CFAP43: variants seen among roughly 807,000 people sequenced by gnomAD.
CFAP43 encodes cilia and flagella associated protein 43, also known as cilia- and flagella-associated protein 43.
CFAP43 carries 155 observed loss-of-function variants against 218.9 expected under a neutral mutation model. That is an observed-to-expected ratio of 0.71 (90% CI 0.62 to 0.81). The LOEUF (loss-of-function observed/expected upper bound fraction) is 0.81, where lower values mean the gene tolerates loss of function less well. Among genes scored for constraint, CFAP43 ranks in the 30% least tolerant of loss-of-function variants. The pLI, the probability that CFAP43 is intolerant of heterozygous loss-of-function variation, is 0.00. For synonymous variants in CFAP43, 645 were observed against 681.3 expected (o/e 0.95, Z 0.83); for missense variants, 1,778 against 1,954.3 (o/e 0.91, Z 1.70).
intron 10 of CFAP43, among the ~76,000 whole-genome samples, chr10:104,196,264 T>A (rs1429246398): frequency 6.6e-6 from 1 of 152,228 alleles, no homozygotes; most frequent in African/African-American, 2.4e-5. Flanking sequence ...TACTTTATAG[T>A]TGATTGTGCC....
At position 104,155,587 on chromosome 10, in the gene CFAP43, A is replaced by G. The variant is rs144140239; in HGVS notation, c.3541-2861T>C. On this transcript the variant is annotated intron_variant, in intron 27 of 37. Transcript: ENST00000357060. ...TAAAAATGAACTCAGCCAGGAGGTG[A>G]TAAGTACTATGGAGAACCACAAGGC... Among the ~76,000 whole-genome samples, 250 of 152,272 alleles carry G rather than the reference A, an allele frequency of 1.6e-3. 1 individual carries two copies. Among genetic ancestry groups the G allele is most frequent in the Admixed American group, 3.0e-3 (46 of 15,294 alleles).
chr10:104,135,307 T>G (rs2087388742), intron 34 of CFAP43, among the ~76,000 whole-genome samples: 1 of 152,194 alleles, frequency 6.6e-6, no homozygotes, highest in Non-Finnish European at 1.5e-5. Context: ...GCTTTCCAAC[T>G]AAGATCAGGA....
At chr10:104,218,563 A>G (rs2091087714) in intron 3 of CFAP43, among the ~76,000 whole-genome samples, 1 of 151,986 alleles carries the variant, frequency 6.6e-6, no homozygotes, top group Admixed American at 6.6e-5. Flanking sequence ...AACATTTTTT[A>G]AAAGCTTCAC....
intron 3 of CFAP43, among the ~76,000 whole-genome samples, chr10:104,222,249 G>T (rs1477222931): frequency 1.3e-5 from 2 of 152,168 alleles, no homozygotes; most frequent in Non-Finnish European, 2.9e-5. Flanking sequence ...CACCAAGTGA[G>T]TTGCATCCTC....
At chr10:104,142,173 G>C in intron 33 of CFAP43, 108 bp downstream of exon 33, 1 of 815,676 alleles carries the variant, frequency 1.2e-6, no homozygotes, top group East Asian at 2.7e-5. Context: ...TGCTGGAAGG[G>C]AGATGGCTGT....
intron 10 of CFAP43, 121 bp from the exon 11 acceptor site, chr10:104,194,135 G>T: frequency 8.4e-7 from 1 of 1,185,734 alleles, no homozygotes; most frequent in Non-Finnish European, 1.2e-6. Context: ...GTGTTGTGTG[G>T]TGGGGTCTTT....
intron 6 of CFAP43, among the ~76,000 whole-genome samples, chr10:104,206,898 G>GCAA (rs2090707878): frequency 2.0e-5 from 3 of 152,316 alleles, no homozygotes; most frequent in Admixed American, 6.5e-5. Context: ...ATATGGCAGG[G>GCAA]TGTGGTGGCT....
intron 29 of CFAP43, 152 bp from the exon 30 acceptor site, chr10:104,146,501 A>G: frequency 1.6e-6 from 1 of 606,658 alleles, no homozygotes; most frequent in South Asian, 1.9e-5. Flanking sequence ...TATAGAAGAA[A>G]ATACACCAAT....
At chr10:104,134,737 A>C (rs973808770) in intron 34 of CFAP43, among the ~76,000 whole-genome samples, 2 of 152,180 alleles carry the variant, frequency 1.3e-5, no homozygotes, top group African/African-American at 4.8e-5. Context: ...ATCAGTTATC[A>C]AAAACCTCCC....
intron 37 of CFAP43, among the ~76,000 whole-genome samples, chr10:104,131,124 C>T (rs1040105425): frequency 3.2e-4 from 48 of 151,902 alleles, no homozygotes; most frequent in African/African-American, 4.8e-5. Flanking sequence ...GGAATCATTC[C>T]GTACCCCAAA....
Position 104,163,552 on chromosome 10 carries a change from A to C in CFAP43, c.3246+542T>G, listed in dbSNP as rs1471439585. On this transcript the variant is annotated intron_variant, in intron 24 of 37. Transcript: ENST00000357060. ...GCCTCTGTGCCAAAACCTTTAAAGA[A>C]AGCTGTCCGGAGAGCCCCTTTCTCT... Among the ~76,000 whole-genome samples the C allele has an allele frequency of 2.6e-5, 4 of 152,158 alleles. No homozygotes were observed. In the East Asian group the frequency reaches 7.7e-4, roughly 29 times the overall value.
Position 104,207,816 on chromosome 10 carries a change from A to C in CFAP43, c.744T>G (p.Asp248Glu), listed in dbSNP as rs767100532. The change falls in exon 6 of 38, where the codon GAT becomes GAG. Residue 248 changes from aspartate to glutamate, a missense_variant. Around this residue, in one of 3 missense-constraint regions of CFAP43, gnomAD observed 1,553 missense variants for 1,685.2 expected, o/e 0.92. Coordinates refer to ENST00000357060, the MANE Select transcript of CFAP43 (RefSeq NM_025145.7). ...TCGGGTGAAGCAAAGGATATAGATC[A>C]TCTTTCGGCTTCAGGGAGAGAATAA... ...GKEAETFRPKDDLYPLLHPTM... is the reference protein window; with the variant it reads ...GKEAETFRPKEDLYPLLHPTM... The C allele has an allele frequency of 1.9e-6, 3 of 1,610,730 alleles. No homozygotes were observed. Among genetic ancestry groups the C allele is most frequent in the Non-Finnish European group, 2.5e-6 (3 of 1,179,048 alleles).
At chr10:104,159,213 T>C (rs1233577859) in intron 27 of CFAP43, among the ~76,000 whole-genome samples, 1 of 152,096 alleles carries the variant, frequency 6.6e-6, no homozygotes, top group African/African-American at 2.4e-5. Context: ...TCAACATAGA[T>C]TTTTTTGAGT....
rs146163969 is a variant in CFAP43, at chr10:104,172,485, T to G, written c.2511A>C (p.Leu837Phe). The G allele has an allele frequency of 1.2e-6, 2 of 1,607,514 alleles. No individual in the cohort carries two copies. The highest frequency in any genetic ancestry group is 1.3e-5 in the African/African-American group (1 of 74,640). The change falls in exon 20 of 38, where the codon TTA becomes TTC. Residue 837 changes from leucine to phenylalanine, a missense_variant. Around this residue, in one of 3 missense-constraint regions of CFAP43, gnomAD observed 1,553 missense variants for 1,685.2 expected, o/e 0.92. Coordinates refer to ENST00000357060, the MANE Select transcript of CFAP43 (RefSeq NM_025145.7). ...GATCCAGACCAAATTCCTGTTGGTC[T>G]AATTTTGCAATATTTTCTAGTTTGT... ...ENDKLENIAK[L>F]DQQEFGLDLE...
chr10:104,188,892 G>T (rs1223262048), intron 12 of CFAP43, among the ~76,000 whole-genome samples: 1 of 152,154 alleles, frequency 6.6e-6, no homozygotes, highest in Non-Finnish European at 1.5e-5. Context: ...CCTCTACAAG[G>T]TGTGCCAGGC....
intron 22 of CFAP43, among the ~76,000 whole-genome samples, chr10:104,167,222 G>T (rs2089199451): frequency 1.3e-5 from 2 of 152,114 alleles, no homozygotes; most frequent in South Asian, 4.1e-4. Flanking sequence ...AAAAAGTTGG[G>T]ATTTAGGAAA....
rs1373261415 is a variant in CFAP43, at chr10:104,175,092, A to AAAC, written c.2461-2558_2461-2557insGTT. On this transcript the variant is annotated intron_variant, in intron 19 of 37. Transcript: ENST00000357060. ...ACAAACAAACAAACAAACAAACAAA[A>AAAC]AAAAACCAAAAAGAAAATATAACTT... is the stretch of plus-strand genomic sequence containing the variant. Among the ~76,000 whole-genome samples, 303 of 148,456 alleles carry AAAC rather than the reference A, an allele frequency of 2.0e-3. 1 individual carries two copies. The highest frequency in any genetic ancestry group is 2.4e-3 in the Non-Finnish European group (161 of 66,342).
intron 9 of CFAP43, among the ~76,000 whole-genome samples, chr10:104,197,458 A>G (rs1486622335): frequency 6.6e-6 from 1 of 152,248 alleles, no homozygotes. Context: ...TTGACTCCTT[A>G]GACTGAATTA....
rs369427373 is a variant in CFAP43, at chr10:104,188,310, G to A, written c.1647C>T (p.Ser549=). 2.6e-5 allele frequency: 42 copies of A among 1,613,918 alleles called. No individual in the cohort carries two copies. The East Asian group carries it at 5.3e-4, about 21-fold the overall frequency. ...VLSSLPEAGR[S]RLEMFTLPTL... ...TAGGCAGTGTGAACATCTCCAACCT[G>A]CTTCTCCCTGCTTCTGGAAGCGAGG... is the stretch of plus-strand genomic sequence containing the variant. The change falls in exon 13 of 38, where the codon AGC becomes AGT. Residue 549 remains serine, a synonymous_variant. Transcript: ENST00000357060.
Sources: gnomAD v4.1 joint callset for allele counts (sites outside exome capture counted in the v4.1 genomes callset) on GRCh38, gnomAD v4.1.1 for gene constraint, gnomAD v4.1.1 regional missense constraint, MANE v1.5 for transcripts, NCBI Gene and HGNC (gene_info 2026-07-23, HGNC 2026-07-21) for gene names.